The following PPP1R21 variants were observed in gnomAD, a reference collection of about 807,000 sequenced individuals.
PPP1R21 encodes protein phosphatase 1 regulatory subunit 21.
Under a neutral mutation model 112.8 loss-of-function variants are expected in PPP1R21, and 85 were observed. The ratio of observed to expected loss-of-function variants is 0.75; its 90% confidence interval spans 0.63 to 0.90. The LOEUF (loss-of-function observed/expected upper bound fraction) is 0.90. PPP1R21 is among the 40% of genes least tolerant of loss of function. The pLI is 0.00. For synonymous variants in PPP1R21, 381 were observed against 322.3 expected (o/e 1.18, Z -1.95); for missense variants, 1,199 against 901.5 (o/e 1.33, Z -4.23).
intron 12 of PPP1R21, among the ~76,000 whole-genome samples, chr2:48,477,457 C>A (rs1310149666): frequency 6.6e-6 from 1 of 152,146 alleles, no homozygotes; most frequent in Non-Finnish European, 1.5e-5. Flanking sequence ...TGTGCCTATG[C>A]AGTTGTCCCT....
chr2:48,465,541 C>T lies in PPP1R21; in HGVS notation c.796C>T (p.Leu266Phe). The change falls in exon 9 of 22, where the codon CTT becomes TTT. Residue 266 changes from leucine (L) to phenylalanine (F), a missense_variant. Coordinates refer to ENST00000294952, the MANE Select transcript of PPP1R21 (RefSeq NM_001135629.3). Reference protein sequence around the residue: ...AGQALAFVQDLVTALLNFHTY... With the variant: ...AGQALAFVQDFVTALLNFHTY... Reference sequence around the variant, plus strand: ...GCAGGCCCTGGCTTTTGTTCAGGATCTTGTGACGGCTCTTCTAAACTTTCA... The same window carrying T: ...GCAGGCCCTGGCTTTTGTTCAGGATTTTGTGACGGCTCTTCTAAACTTTCA... 1 of 1,613,892 alleles carries T rather than the reference C, an allele frequency of 6.2e-7. No individual in the cohort carries two copies. Among genetic ancestry groups the T allele is most frequent in the Non-Finnish European group, 8.5e-7 (1 of 1,179,902 alleles).
chr2:48,497,209 A>T (rs1349011192), intron 16 of PPP1R21, among the ~76,000 whole-genome samples: 2 of 152,198 alleles, frequency 1.3e-5, no homozygotes, highest in African/African-American at 4.8e-5. Context: ...ATTAAATGGG[A>T]GGACACCCAG....
At chr2:48,449,637 C>G (rs778788971) in intron 1 of PPP1R21, among the ~76,000 whole-genome samples, 3 of 152,254 alleles carry the variant, frequency 2.0e-5, no homozygotes, top group Non-Finnish European at 4.4e-5. Context: ...ATTTAGCATT[C>G]AAATATGCTT....
intron 11 of PPP1R21, among the ~76,000 whole-genome samples, chr2:48,472,878 G>C (rs1668584926): frequency 6.6e-6 from 1 of 151,006 alleles, no homozygotes; most frequent in Non-Finnish European, 1.5e-5. Flanking sequence ...TTGAGCCCAG[G>C]AGTTTGAGGC....
rs140152861 is a variant in PPP1R21, at chr2:48,464,977, T to G, written c.735T>G (p.Asn245Lys). 17 of 1,558,572 alleles carry G rather than the reference T, an allele frequency of 1.1e-5. No individual in the cohort carries two copies. The African/African-American group carries it at 2.3e-4, about 21-fold the overall frequency. Residue 245 changes from asparagine (N) to lysine (K), a missense_variant, in exon 8 of 22, where the codon AAT (asparagine) becomes AAG (lysine). Transcript: ENST00000294952. ...QYNALNVPLH[N>K]RRHQLKMRDI... ...ACGCTCTGAACGTTCCACTCCACAATAGGAGACACCAGGTAAAGGATGAAG... is the reference window on the plus strand; with the variant it reads ...ACGCTCTGAACGTTCCACTCCACAAGAGGAGACACCAGGTAAAGGATGAAG...
chr2:48,502,326 A>C (rs2103647970), intron 17 of PPP1R21, among the ~76,000 whole-genome samples: 1 of 152,320 alleles, frequency 6.6e-6, no homozygotes, highest in African/African-American at 2.4e-5. Context: ...AACAAAAGAC[A>C]GGTTAACTGC....
intron 18 of PPP1R21, among the ~76,000 whole-genome samples, chr2:48,506,929 A>C (rs937463312): frequency 7.4e-6 from 1 of 134,688 alleles, no homozygotes; most frequent in Non-Finnish European, 1.5e-5. Context: ...CTGGTGACGG[A>C]GTGAGACTCT....
At chr2:48,457,391 G>T (rs75966802) in intron 3 of PPP1R21, among the ~76,000 whole-genome samples, 1 of 152,264 alleles carries the variant, frequency 6.6e-6, no homozygotes, top group East Asian at 1.9e-4. Context: ...TAAGTGAGAA[G>T]TGAGACTACA....
At chr2:48,496,019 G>C (rs925098874) in intron 16 of PPP1R21, among the ~76,000 whole-genome samples, 1 of 152,216 alleles carries the variant, frequency 6.6e-6, no homozygotes. Context: ...CTTTGGCCAT[G>C]ATGATTAATT....
At chr2:48,466,244 C>G (rs927364099) in intron 9 of PPP1R21, among the ~76,000 whole-genome samples, 1 of 151,594 alleles carries the variant, frequency 6.6e-6, no homozygotes, top group Non-Finnish European at 1.5e-5. Flanking sequence ...TGGAGTCTCG[C>G]TCTGTTGCCC....
chr2:48,443,063 A>G (rs1410527966), intron 1 of PPP1R21, among the ~76,000 whole-genome samples: 3 of 152,222 alleles, frequency 2.0e-5, no homozygotes, highest in Non-Finnish European at 2.9e-5. Context: ...CTGGGGCTAT[A>G]GAGTAGGGGC....
intron 15 of PPP1R21, among the ~76,000 whole-genome samples, chr2:48,493,808 G>C (rs937221848): frequency 1.3e-5 from 2 of 151,916 alleles, no homozygotes; most frequent in African/African-American, 2.4e-5. Flanking sequence ...TTCGTTTCTG[G>C]ATATTTTATT....
chr2:48,463,907 G>A (rs80336708), intron 7 of PPP1R21, among the ~76,000 whole-genome samples: 1 of 152,124 alleles, frequency 6.6e-6, no homozygotes, highest in African/African-American at 2.4e-5. Flanking sequence ...CTATCCATTG[G>A]GTAGTGGAGA....
intron 17 of PPP1R21, among the ~76,000 whole-genome samples, chr2:48,503,524 T>A (rs1433080720): frequency 6.6e-6 from 1 of 152,268 alleles, no homozygotes; most frequent in Non-Finnish European, 1.5e-5. Flanking sequence ...TTGGAATTAC[T>A]ACTTCAGAAG....
chr2:48,492,829 T>TA (rs1667747886), intron 15 of PPP1R21, among the ~76,000 whole-genome samples: 2 of 152,190 alleles, frequency 1.3e-5, no homozygotes, highest in African/African-American at 2.4e-5. Flanking sequence ...GTTACCTATT[T>TA]ATAGTTTGCC....
At chr2:48,446,632 A>G (rs1667259565) in intron 1 of PPP1R21, among the ~76,000 whole-genome samples, 1 of 152,194 alleles carries the variant, frequency 6.6e-6, no homozygotes, top group Admixed American at 6.5e-5. Context: ...CTAAAAATTT[A>G]TTGAGTTCCT....
chr2:48,463,932 G>A (rs1668090432), intron 7 of PPP1R21, among the ~76,000 whole-genome samples: 1 of 152,100 alleles, frequency 6.6e-6, no homozygotes, highest in African/African-American at 2.4e-5. Flanking sequence ...AGGAGGAATG[G>A]TATTAGGAGC....
At chr2:48,480,904 C>G (rs1668981973) in intron 13 of PPP1R21, among the ~76,000 whole-genome samples, 1 of 152,198 alleles carries the variant, frequency 6.6e-6, no homozygotes, top group African/African-American at 2.4e-5. Context: ...GGGATTCATT[C>G]TTAGTCTCAG....
intron 15 of PPP1R21, among the ~76,000 whole-genome samples, chr2:48,492,919 A>G (rs547325576): frequency 5.3e-5 from 8 of 151,554 alleles, no homozygotes; most frequent in African/African-American, 1.7e-4. Flanking sequence ...GTTTTGGTTC[A>G]TATGTATATA....
Sources: gnomAD v4.1 joint callset for allele counts (sites outside exome capture counted in the v4.1 genomes callset) on GRCh38, gnomAD v4.1.1 for gene constraint, MANE v1.5 for transcripts, NCBI Gene and HGNC (gene_info 2026-07-23, HGNC 2026-07-21) for gene names.